GALNT13: variants seen among roughly 807,000 people sequenced by gnomAD.
GALNT13 encodes the protein polypeptide N-acetylgalactosaminyltransferase 13, also known as UDP-GalNAc:polypeptide N-acetylgalactosaminyltransferase 13.
GALNT13 carries 28 observed loss-of-function variants against 64.2 expected under a neutral mutation model. The observed-to-expected ratio is 0.44, with a 90% CI of 0.32 to 0.60. The LOEUF (loss-of-function observed/expected upper bound fraction) is 0.60. Ranked by LOEUF, GALNT13 falls within the 20% of genes least tolerant of loss-of-function variation. The probability of loss-of-function intolerance (pLI) is 0.05; values close to 1 mark genes in which losing one functional copy is unlikely to be tolerated. For missense variants in GALNT13, 577 were observed against 669.8 expected (o/e 0.86, Z 1.53); for synonymous variants, 214 against 224.6 (o/e 0.95, Z 0.42).
the GALNT13 span, among the ~76,000 whole-genome samples, chr2:153,627,355 T>G: frequency 6.6e-6 from 1 of 152,242 alleles, no homozygotes; most frequent in African/African-American, 2.4e-5. Flanking sequence ...GAAAACATCC[T>G]TAGAGTTTGG....
In GALNT13 at chr2:154,242,667, T is replaced by A. The variant is rs752527151; in HGVS notation, c.479-31T>A. The stretch of plus-strand genomic sequence containing the variant: ...CTATTTCTTAAAACAGTTTCAAAAA[T>A]TTTTCTTATAAATTCTTATACATGT... On this transcript the variant is annotated intron_variant, in intron 5 of 12. Transcript: ENST00000392825. The A allele has an allele frequency of 5.4e-6, 8 of 1,485,702 alleles. No homozygotes were observed. In the South Asian group the frequency reaches 7.1e-5, roughly 13 times the overall value. 92.0% of individuals were successfully genotyped at this position (1,485,702 alleles called of 1,614,324 possible). A position where few individuals can be genotyped will look rare whatever the true frequency, so the allele number is the denominator to read the frequency against.
chr2:153,212,375 C>G, the GALNT13 span, among the ~76,000 whole-genome samples: 1 of 152,006 alleles, frequency 6.6e-6, no homozygotes, highest in Non-Finnish European at 1.5e-5. Context: ...AATTATTCTA[C>G]ATTGTGTTCT....
the GALNT13 span, among the ~76,000 whole-genome samples, chr2:153,293,107 T>A: frequency 6.6e-6 from 1 of 152,158 alleles, no homozygotes; most frequent in African/African-American, 2.4e-5. Flanking sequence ...CTAACTTCTT[T>A]ATTTCCTGTA....
the GALNT13 span, among the ~76,000 whole-genome samples, chr2:153,293,761 TTGTGTGTG>T: frequency 2.8e-3 from 291 of 104,810 alleles, 1 homozygote; most frequent in African/African-American, 9.0e-3. Context: ...TTTTTTCTGT[TTGTGTGTG>T]TGTGTGTGTG....
intron 11 of GALNT13, among the ~76,000 whole-genome samples, chr2:154,425,639 A>G (rs1422408300): frequency 4.6e-5 from 7 of 152,234 alleles, no homozygotes; most frequent in Non-Finnish European, 1.0e-4. Context: ...TATACCATCA[A>G]TAGAAAGATA....
chr2:154,200,276 A>C (rs1687102610), intron 4 of GALNT13, among the ~76,000 whole-genome samples: 1 of 152,108 alleles, frequency 6.6e-6, no homozygotes, highest in African/African-American at 2.4e-5. Flanking sequence ...AGATAAGAAA[A>C]GAATTTCAAT....
chr2:153,980,211 C>T (rs1354437099), intron 3 of GALNT13, among the ~76,000 whole-genome samples: 1 of 152,022 alleles, frequency 6.6e-6, no homozygotes, highest in Non-Finnish European at 1.5e-5. Context: ...TCATTGTAGA[C>T]AATATTAAGA....
At chr2:154,436,562 A>T (rs1035000600) in intron 11 of GALNT13, 8 of 152,346 alleles carry the variant, frequency 5.3e-5, no homozygotes, top group African/African-American at 1.9e-4. Flanking sequence ...CCTATAATGA[A>T]CAAAAGAAAT....
At chr2:153,503,964 T>G in the GALNT13 span, among the ~76,000 whole-genome samples, 1 of 152,200 alleles carries the variant, frequency 6.6e-6, no homozygotes, top group Admixed American at 6.5e-5. Context: ...ATTTGTAGAT[T>G]GCTTTTGGCA....
intron 3 of GALNT13, among the ~76,000 whole-genome samples, chr2:154,135,383 A>G (rs76897288): frequency 4.2e-4 from 64 of 152,332 alleles, no homozygotes; most frequent in Admixed American, 1.7e-3. Flanking sequence ...GAGAAGTAGT[A>G]GCTAATATAT....
the GALNT13 span, among the ~76,000 whole-genome samples, chr2:153,598,551 C>T: frequency 1.3e-5 from 2 of 152,024 alleles, no homozygotes; most frequent in Admixed American, 6.6e-5. Context: ...TGCATTTCCA[C>T]TAAAGGCAGT....
the GALNT13 span, among the ~76,000 whole-genome samples, chr2:153,811,247 C>T: frequency 1.6e-4 from 24 of 152,146 alleles, no homozygotes; most frequent in Non-Finnish European, 3.1e-4. Flanking sequence ...CTCTACTTTA[C>T]CATATTGTTG....
chr2:154,391,437 A>G (rs1698787060), intron 9 of GALNT13, among the ~76,000 whole-genome samples: 1 of 152,260 alleles, frequency 6.6e-6, no homozygotes, highest in Admixed American at 6.5e-5. Flanking sequence ...ACTCCAGACC[A>G]ACTGAATCAA....
At chr2:153,146,487 A>G in the GALNT13 span, among the ~76,000 whole-genome samples, 1 of 151,930 alleles carries the variant, frequency 6.6e-6, no homozygotes, top group Admixed American at 6.6e-5. Flanking sequence ...AAGAAACTCT[A>G]ACTGACTGTA....
rs529699845 is a variant in GALNT13, at chr2:154,417,775, G to A, written c.1395+8693G>A. 1.7e-3 allele frequency among the ~76,000 whole-genome samples: 266 copies of A among 152,076 alleles called. 1 individual carries two copies. Among genetic ancestry groups the A allele is most frequent in the Middle Eastern group, 6.8e-3 (2 of 294 alleles). ...GATCCACCCGCCTCCACATCCCAAA[G>A]TGCTGGGATTACAGGTGTGAGCCAC... On this transcript the variant is annotated intron_variant, in intron 11 of 12. Coordinates refer to ENST00000392825, the MANE Select transcript of GALNT13 (RefSeq NM_052917.4).
the GALNT13 span, among the ~76,000 whole-genome samples, chr2:153,678,178 C>T: frequency 9.3e-6 from 1 of 107,890 alleles, no homozygotes; most frequent in East Asian, 2.4e-4. Flanking sequence ...TATATATATC[C>T]AATATATCCA....
At chr2:153,381,408 C>T in the GALNT13 span, among the ~76,000 whole-genome samples, 9 of 151,954 alleles carry the variant, frequency 5.9e-5, no homozygotes, top group South Asian at 2.1e-4. Context: ...GGAATATTGG[C>T]GAACATCATG....
the GALNT13 span, among the ~76,000 whole-genome samples, chr2:153,648,760 G>GATT: frequency 0.28 from 42,757 of 151,852 alleles, 6,358 homozygotes; most frequent in Admixed American, 0.4. Flanking sequence ...TTATATGCTG[G>GATT]ATTACGTTTA....
In GALNT13 at chr2:154,035,992, T is replaced by G. The variant is rs149250282; in HGVS notation, c.142+91353T>G. On this transcript the variant is annotated intron_variant, in intron 3 of 12. Coordinates refer to ENST00000392825, the MANE Select transcript of GALNT13 (RefSeq NM_052917.4). ...ACCTGGCTTTCTATTATGTACTGCTTTTCTGATGATTTCATTGCTTTAGTA... is the reference window on the plus strand; with the variant it reads ...ACCTGGCTTTCTATTATGTACTGCTGTTCTGATGATTTCATTGCTTTAGTA... 1.4e-4 allele frequency among the ~76,000 whole-genome samples: 21 copies of G among 152,138 alleles called. No individual in the cohort carries two copies. The East Asian group carries it at 3.9e-3, about 28-fold the overall frequency.
Sources: gnomAD v4.1 joint callset for allele counts (sites outside exome capture counted in the v4.1 genomes callset) on GRCh38, gnomAD v4.1.1 for gene constraint, MANE v1.5 for transcripts, NCBI Gene and HGNC (gene_info 2026-07-23, HGNC 2026-07-21) for gene names.